Variants in TENT5D observed in about 807,000 individuals in gnomAD.
The protein encoded by TENT5D is cancer/testis antigen 112.
For missense variants in TENT5D, 191 were observed against 287.0 expected, an observed-to-expected ratio of 0.67 and a Z score of 2.42; for synonymous variants, 103 against 100.6, an observed-to-expected ratio of 1.02 and a Z score of -0.15.
chrX:80,391,599 T>C (rs1931128525), intron 3 of TENT5D, among the ~76,000 whole-genome samples: 1 of 111,940 alleles, frequency 8.9e-6, no homozygotes, highest in Non-Finnish European at 1.9e-5. Flanking sequence ...ATAAATGATA[T>C]GGGAATCTGC....
At chrX:80,374,310 G>A (rs1930687022) in intron 3 of TENT5D, among the ~76,000 whole-genome samples, 1 of 111,205 alleles carries the variant, frequency 9.0e-6, no homozygotes, top group Admixed American at 9.6e-5. Flanking sequence ...ATGAACACAC[G>A]TGCGCATGAT....
At chrX:80,352,225 G>A (rs1203429383) in intron 3 of TENT5D, among the ~76,000 whole-genome samples, 1 of 111,892 alleles carries the variant, frequency 8.9e-6, no homozygotes, top group Non-Finnish European at 1.9e-5. Context: ...TTCAGAGCTG[G>A]CAGGCAGGAA....
chrX:80,392,495 C>CTTTTTTTTTTTT lies in TENT5D; in HGVS notation c.-141-46094_-141-46083dup, dbSNP rs72029455. Among the ~76,000 whole-genome samples the CTTTTTTTTTTTT allele has an allele frequency of 8.2e-4, 20 of 24,304 alleles. 4 individuals carry two copies. Among genetic ancestry groups the CTTTTTTTTTTTT allele is most frequent in the African/African-American group, 3.2e-3 (16 of 5,009 alleles). 21.1% of individuals were successfully genotyped at this position (24,304 alleles called of 115,157 possible). A position where few individuals can be genotyped will look rare whatever the true frequency, so the allele number is the denominator to read the frequency against. ...TTTATAGCTTTATTCTCATTTTATT[C>CTTTTTTTTTTTT]TTTTTTTTTTTTTTTTTTTTTTTTT... On this transcript the variant is annotated intron_variant, in intron 3 of 4. Coordinates refer to the TENT5D transcript ENST00000538312.
chrX:80,419,605 T>G (rs1379497040), upstream of TENT5D, among the ~76,000 whole-genome samples: 1 of 112,885 alleles, frequency 8.9e-6, no homozygotes, highest in Non-Finnish European at 1.9e-5. Context: ...AAATTGGACA[T>G]ACTGTAACAA....
chrX:80,416,111 G>A (rs1239604624), upstream of TENT5D, among the ~76,000 whole-genome samples: 1 of 106,001 alleles, frequency 9.4e-6, no homozygotes, highest in South Asian at 4.0e-4. Context: ...TTTTTTTTTT[G>A]TATTTCTGTT....
intron 1 of TENT5D, among the ~76,000 whole-genome samples, chrX:80,422,785 A>T (rs1443707628): frequency 2.7e-5 from 3 of 111,700 alleles, no homozygotes; most frequent in African/African-American, 9.8e-5. Flanking sequence ...GATGTGAAAG[A>T]TGTATATGGT....
At chrX:80,353,326 T>C (rs1375677066) in intron 3 of TENT5D, among the ~76,000 whole-genome samples, 1 of 112,100 alleles carries the variant, frequency 8.9e-6, no homozygotes, top group Non-Finnish European at 1.9e-5. Context: ...GTTTGTTCAA[T>C]AGATAAATTG....
intron 3 of TENT5D, among the ~76,000 whole-genome samples, chrX:80,365,096 G>T (rs903603805): frequency 9.0e-6 from 1 of 110,806 alleles, no homozygotes; most frequent in African/African-American, 3.3e-5. Context: ...CCACTCCAGA[G>T]TCTCTGGTAA....
intron 3 of TENT5D, among the ~76,000 whole-genome samples, chrX:80,376,331 A>C (rs937116730): frequency 1.7e-4 from 19 of 111,569 alleles, no homozygotes; most frequent in African/African-American, 5.8e-4. Flanking sequence ...TATATACATA[A>C]AAATATATCT....
At chrX:80,415,766 T>C (rs1018281518), upstream of TENT5D, among the ~76,000 whole-genome samples, 15 of 111,692 alleles carry the variant, frequency 1.3e-4, no homozygotes, top group African/African-American at 4.6e-4. Flanking sequence ...TTTTTTGTTT[T>C]GACTTTGCCG....
At chrX:80,356,518 TA>T (rs1930288087) in intron 3 of TENT5D, among the ~76,000 whole-genome samples, 1 of 111,542 alleles carries the variant, frequency 9.0e-6, no homozygotes, top group African/African-American at 3.3e-5. Flanking sequence ...AATTACAAGT[TA>T]GTTGACTGAT....
intron 2 of TENT5D, 68 bp from the exon 3 acceptor site, chrX:80,442,454 T>A: frequency 1.2e-6 from 1 of 814,686 alleles, no homozygotes; most frequent in Non-Finnish European, 1.7e-6. Flanking sequence ...TTTTAACTTT[T>A]TCATATGCTT....
chrX:80,425,627 A>AT (rs1401601797), intron 1 of TENT5D, among the ~76,000 whole-genome samples: 1 of 112,645 alleles, frequency 8.9e-6, no homozygotes, highest in Non-Finnish European at 1.9e-5. Flanking sequence ...AAATTTGGTT[A>AT]TTTTTGTGGT....
intron 3 of TENT5D, among the ~76,000 whole-genome samples, chrX:80,350,554 G>A (rs1051383297): frequency 2.7e-5 from 3 of 110,985 alleles, no homozygotes; most frequent in Non-Finnish European, 5.7e-5. Context: ...TTGCACGTGA[G>A]ATGGGTCTCC....
chrX:80,377,285 T>A (rs944602025), intron 3 of TENT5D, among the ~76,000 whole-genome samples: 20 of 111,768 alleles, frequency 1.8e-4, no homozygotes, highest in Non-Finnish European at 2.6e-4. Context: ...GTGCACAACA[T>A]GCAGGTTTGT....
chrX:80,359,428 A>G (rs1199563489), intron 3 of TENT5D, among the ~76,000 whole-genome samples: 1 of 112,413 alleles, frequency 8.9e-6, no homozygotes, highest in Non-Finnish European at 1.9e-5. Flanking sequence ...AGACTGGATA[A>G]AGAAAATGTG....
intron 3 of TENT5D, among the ~76,000 whole-genome samples, chrX:80,401,406 T>C (rs774955390): frequency 8.9e-6 from 1 of 111,745 alleles, no homozygotes; most frequent in African/African-American, 3.2e-5. Flanking sequence ...TTTATTTCTT[T>C]CTTTTGCCTT....
At chrX:80,341,323 C>G (rs1439774352) in intron 2 of TENT5D, among the ~76,000 whole-genome samples, 3 of 112,187 alleles carry the variant, frequency 2.7e-5, no homozygotes, top group Non-Finnish European at 1.9e-5. Context: ...TACGGAAAAG[C>G]TGGCTTTTAT....
intron 3 of TENT5D, among the ~76,000 whole-genome samples, chrX:80,345,100 A>G (rs1242224102): frequency 8.9e-6 from 1 of 112,167 alleles, no homozygotes; most frequent in Non-Finnish European, 1.9e-5. Flanking sequence ...TGACAGTTTA[A>G]GAAACTAGCT....
Sources: gnomAD v4.1 joint callset for allele counts (sites outside exome capture counted in the v4.1 genomes callset) on GRCh38, gnomAD v4.1.1 for gene constraint, MANE v1.5 for transcripts, NCBI Gene and HGNC (gene_info 2026-07-23, HGNC 2026-07-21) for gene names.